Variants in DMRT1 observed in about 807,000 individuals in gnomAD.
DMRT1 encodes the protein doublesex and mab-3 related transcription factor 1.
DMRT1 carries 7 observed loss-of-function variants against 32.3 expected under a neutral mutation model. The ratio of observed to expected loss-of-function variants is 0.22; its 90% CI spans 0.12 to 0.41. The LOEUF is 0.41. DMRT1 is among the 10% of genes least tolerant of loss of function. The probability of loss-of-function intolerance (pLI) is 1.00; values close to 1 mark genes in which losing one functional copy is unlikely to be tolerated. For missense variants in DMRT1, 625 were observed against 500.5 expected, an observed-to-expected ratio of 1.25 and a Z score of -2.37; for synonymous variants, 278 against 206.1, an observed-to-expected ratio of 1.35 and a Z score of -2.99.
intron 3 of DMRT1, among the ~76,000 whole-genome samples, chr9:897,759 CTGTT>C (rs113150536): frequency 0.01 from 1,526 of 152,048 alleles, 17 homozygotes; most frequent in African/African-American, 0.035. Context: ...GAGTTCTTGA[CTGTT>C]TGTTCATATG....
chr9:870,546 C>G (rs138804154), intron 2 of DMRT1, among the ~76,000 whole-genome samples: 7 of 152,112 alleles, frequency 4.6e-5, no homozygotes, highest in Non-Finnish European at 8.8e-5. Flanking sequence ...TCCTTTTAGC[C>G]ACAGCATTGT....
intron 2 of DMRT1, among the ~76,000 whole-genome samples, chr9:882,962 G>A (rs1816790833): frequency 6.6e-6 from 1 of 151,574 alleles, no homozygotes; most frequent in African/African-American, 2.4e-5. Context: ...AGTAGAGACG[G>A]GGTTTCACCA....
intron 2 of DMRT1, among the ~76,000 whole-genome samples, chr9:881,747 G>A (rs903899383): frequency 2.0e-5 from 3 of 152,206 alleles, no homozygotes; most frequent in Non-Finnish European, 4.4e-5. Context: ...TCTGTAAGAC[G>A]GCTTTTAGAA....
chr9:871,927 G>T (rs1377942362), intron 2 of DMRT1, among the ~76,000 whole-genome samples: 1 of 151,254 alleles, frequency 6.6e-6, no homozygotes, highest in Non-Finnish European at 1.5e-5. Context: ...ACCATTTCTT[G>T]TTATATTTTC....
chr9:956,573 A>T (rs4740978), intron 4 of DMRT1, among the ~76,000 whole-genome samples: 4,674 of 127,852 alleles, frequency 0.037, 254 homozygotes, highest in African/African-American at 0.12. Flanking sequence ...CAAAAAAAAA[A>T]AAAACAAAAA....
chr9:926,392 G>A (rs1422642455), intron 4 of DMRT1, among the ~76,000 whole-genome samples: 3 of 152,148 alleles, frequency 2.0e-5, no homozygotes, highest in Admixed American at 1.3e-4. Flanking sequence ...AACACAATCA[G>A]CTACTTTCAA....
chr9:958,796 C>T (rs1381281951), intron 4 of DMRT1, among the ~76,000 whole-genome samples: 4 of 152,208 alleles, frequency 2.6e-5, no homozygotes, highest in Non-Finnish European at 5.9e-5. Flanking sequence ...AGGCTAACTG[C>T]AGTTTGTGGA....
At chr9:916,734 C>G in intron 3 of DMRT1, 29 bp from the exon 4 acceptor site, 1 of 1,613,144 alleles carries the variant, frequency 6.2e-7, no homozygotes, top group African/African-American at 1.3e-5. Context: ...ATGTTGATCT[C>G]AGTATATTTC....
At position 948,949 on chromosome 9, in the gene DMRT1, C is replaced by T. The variant is rs934985381; in HGVS notation, c.968-19036C>T. On this transcript the variant is annotated intron_variant, in intron 4 of 4. Transcript: ENST00000382276. ...TAATAATAATAATAATAATAATAGC[C>T]GGGCGTGGTGGTGGGTGCCTGTACT... is the stretch of plus-strand genomic sequence containing the variant. 2.3e-4 allele frequency among the ~76,000 whole-genome samples: 34 copies of T among 147,120 alleles called. No homozygotes were observed. In the East Asian group the frequency reaches 6.8e-3, roughly 29 times the overall value.
intron 2 of DMRT1, among the ~76,000 whole-genome samples, chr9:875,654 G>C (rs1816465556): frequency 6.6e-6 from 1 of 152,108 alleles, no homozygotes; most frequent in Non-Finnish European, 1.5e-5. Context: ...TTGTGTCTTG[G>C]TTGCCATAGA....
chr9:882,800 C>A (rs538616711), intron 2 of DMRT1, among the ~76,000 whole-genome samples: 1 of 142,984 alleles, frequency 7.0e-6, no homozygotes, highest in South Asian at 2.4e-4. Flanking sequence ...GACAGTCTCA[C>A]TCACTCTGTT....
chr9:876,274 GA>G (rs1816495841), intron 2 of DMRT1, among the ~76,000 whole-genome samples: 1 of 152,168 alleles, frequency 6.6e-6, no homozygotes, highest in African/African-American at 2.4e-5. Context: ...CTGCTTCCAG[GA>G]TAAGGTAGAA....
At chr9:902,140 C>T (rs1283454242) in intron 3 of DMRT1, among the ~76,000 whole-genome samples, 2 of 151,450 alleles carry the variant, frequency 1.3e-5, no homozygotes, top group African/African-American at 4.9e-5. Flanking sequence ...AAACTCCTGA[C>T]CTCAGGTGAT....
intron 3 of DMRT1, among the ~76,000 whole-genome samples, chr9:897,983 A>T (rs1817436874): frequency 6.6e-6 from 1 of 152,236 alleles, no homozygotes; most frequent in African/African-American, 2.4e-5. Context: ...AAAATGCGTT[A>T]AGACATAGAT....
chr9:879,162 T>C (rs1440695493), intron 2 of DMRT1, among the ~76,000 whole-genome samples: 1 of 152,144 alleles, frequency 6.6e-6, no homozygotes, highest in Non-Finnish European at 1.5e-5. Context: ...AGACAGGGGC[T>C]GTTAAGATGG....
intron 2 of DMRT1, among the ~76,000 whole-genome samples, chr9:890,857 G>T (rs1417685223): frequency 2.0e-5 from 3 of 152,112 alleles, no homozygotes; most frequent in Non-Finnish European, 2.9e-5. Context: ...TGGGTCTACA[G>T]GTACGCACCA....
intron 2 of DMRT1, among the ~76,000 whole-genome samples, chr9:877,264 G>C (rs1036103412): frequency 6.6e-6 from 1 of 152,114 alleles, no homozygotes; most frequent in Non-Finnish European, 1.5e-5. Context: ...GAGTGGTCTC[G>C]TTCCCAGGAT....
intron 2 of DMRT1, among the ~76,000 whole-genome samples, chr9:876,824 C>T (rs908102990): frequency 6.6e-6 from 1 of 152,164 alleles, no homozygotes; most frequent in South Asian, 2.1e-4. Flanking sequence ...ACCACTGTGC[C>T]CAGGTAACAG....
intron 3 of DMRT1, among the ~76,000 whole-genome samples, chr9:906,167 G>C (rs1469327366): frequency 1.3e-5 from 2 of 152,090 alleles, no homozygotes; most frequent in African/African-American, 4.8e-5. Context: ...GTCTTAGAGT[G>C]GGCAGGGCTT....
Sources: allele counts gnomAD v4.1 joint callset (sites outside exome capture counted in the v4.1 genomes callset), GRCh38; gene constraint gnomAD v4.1.1; transcripts MANE v1.5; gene names NCBI Gene and HGNC (gene_info 2026-07-23, HGNC 2026-07-21).